Variants in SFXN5 observed in about 807,000 individuals in gnomAD.
SFXN5 encodes sideroflexin-5.
A neutral mutation model predicts 50.2 loss-of-function variants in SFXN5; 43 were observed. The ratio of observed to expected loss-of-function variants is 0.86; its 90% CI spans 0.67 to 1.11. SFXN5 has a LOEUF of 1.11. Among genes scored for constraint, SFXN5 ranks in the 50% least tolerant of loss-of-function variants. The probability of loss-of-function intolerance (pLI) is 0.00; values close to 1 mark genes in which losing one functional copy is unlikely to be tolerated. For missense variants in SFXN5, 463 were observed against 454.1 expected (o/e 1.02, Z -0.18); for synonymous variants, 203 against 185.8 (o/e 1.09, Z -0.75).
At chr2:73,034,937 C>T (rs775849304) in intron 3 of SFXN5, among the ~76,000 whole-genome samples, 2 of 152,186 alleles carry the variant, frequency 1.3e-5, no homozygotes, top group Admixed American at 6.5e-5. Context: ...TCTTTCTTGT[C>T]TCTTCTCTCT....
At chr2:72,968,557 T>C in intron 11 of SFXN5, 24 bp from the exon 12 acceptor site, 1 of 1,611,068 alleles carries the variant, frequency 6.2e-7, no homozygotes, top group Non-Finnish European at 8.5e-7. Context: ...AGAAGCTGTG[T>C]GAGAGGGGCC....
chr2:72,972,018 A>C (rs1670068714), intron 10 of SFXN5, among the ~76,000 whole-genome samples: 1 of 152,184 alleles, frequency 6.6e-6, no homozygotes, highest in Non-Finnish European at 1.5e-5. Context: ...TCCATCTGGG[A>C]GGGCTCTCTG....
At chr2:73,003,548 C>A (rs762789793) in intron 6 of SFXN5, among the ~76,000 whole-genome samples, 2 of 152,160 alleles carry the variant, frequency 1.3e-5, no homozygotes, top group Non-Finnish European at 2.9e-5. Context: ...GACACTGAGC[C>A]ATTCAACTGA....
At position 72,942,132 on chromosome 2, in the gene SFXN5, C is replaced by T. The variant is rs1258346466; in HGVS notation, c.*2890G>A. On this transcript the variant is annotated 3_prime_UTR_variant, in exon 14 of 14. Coordinates refer to ENST00000272433, the MANE Select transcript of SFXN5 (RefSeq NM_144579.3). ...TGAGGTTAAAAAGACGCTGCAAAGGCCCCTGGGAGTGGCTGAGGCTTGCGT... is the reference window on the plus strand; with the variant it reads ...TGAGGTTAAAAAGACGCTGCAAAGGTCCCTGGGAGTGGCTGAGGCTTGCGT... The T allele has an allele frequency of 6.6e-6, 1 of 152,214 alleles. No individual in the cohort carries two copies. The highest frequency in any genetic ancestry group is 1.5e-5 in the Non-Finnish European group (1 of 68,046). The allele number at this position is 152,214 out of a possible 1,614,324, so 9.4% of individuals were successfully genotyped here. A position where few individuals can be genotyped will look rare whatever the true frequency, so the allele number is the denominator to read the frequency against.
rs543315122 is a variant in SFXN5 at position 72,983,854 on chromosome 2, G to A, written c.625+4404C>T. Among the ~76,000 whole-genome samples, 17 of 152,232 alleles carry A rather than the reference G, an allele frequency of 1.1e-4. 1 individual carries two copies. The highest frequency in any genetic ancestry group is 9.8e-4 in the Admixed American group (15 of 15,304). On this transcript the variant is annotated intron_variant, in intron 10 of 13. Coordinates refer to ENST00000272433, the MANE Select transcript of SFXN5 (RefSeq NM_144579.3). ...GGCCCCTTGAGAAGCCTGTGGGGCC[G>A]GCAACCCCTGGAACAGACTCTGCTC...
intron 11 of SFXN5, among the ~76,000 whole-genome samples, 161 bp from the exon 12 acceptor site, chr2:72,968,694 C>T (rs1674771431): frequency 6.6e-6 from 1 of 151,828 alleles, no homozygotes; most frequent in African/African-American, 2.4e-5. Context: ...ACAAAAAAAG[C>T]CACTGGTCTC....
intron 6 of SFXN5, among the ~76,000 whole-genome samples, chr2:73,015,077 T>C (rs1332901205): frequency 1.3e-5 from 2 of 152,258 alleles, no homozygotes; most frequent in Non-Finnish European, 2.9e-5. Flanking sequence ...GTGCTTGCTA[T>C]GGTTGGTTTA....
intron 3 of SFXN5, among the ~76,000 whole-genome samples, chr2:73,038,167 C>G (rs1679198832): frequency 6.6e-6 from 1 of 152,230 alleles, no homozygotes; most frequent in African/African-American, 2.4e-5. Context: ...TAGGTAGAGC[C>G]TACTGCTCCC....
chr2:73,011,966 C>T (rs145244364), intron 6 of SFXN5, among the ~76,000 whole-genome samples: 137 of 152,268 alleles, frequency 9.0e-4, no homozygotes, highest in Middle Eastern at 6.8e-3. Context: ...AGCAAATAAT[C>T]GGACATAACC....
intron 10 of SFXN5, among the ~76,000 whole-genome samples, chr2:72,982,955 G>A (rs1305283520): frequency 6.6e-6 from 1 of 152,238 alleles, no homozygotes; most frequent in Non-Finnish European, 1.5e-5. Flanking sequence ...AATGCCACGT[G>A]AAGCACCACT....
intron 12 of SFXN5, among the ~76,000 whole-genome samples, chr2:72,962,259 A>C (rs990652880): frequency 2.6e-5 from 4 of 152,200 alleles, no homozygotes; most frequent in African/African-American, 9.7e-5. Flanking sequence ...GTGAAGGGGA[A>C]ATAATCCAGG....
intron 1 of SFXN5, among the ~76,000 whole-genome samples, chr2:73,064,416 C>G (rs1447336292): frequency 3.9e-5 from 6 of 152,162 alleles, no homozygotes; most frequent in Non-Finnish European, 8.8e-5. Context: ...TAAAACCTGC[C>G]CAGTGTGACT....
At chr2:72,963,250 G>C (rs534860226) in intron 12 of SFXN5, among the ~76,000 whole-genome samples, 1 of 152,302 alleles carries the variant, frequency 6.6e-6, no homozygotes, top group African/African-American at 2.4e-5. Context: ...GCAGTGAAGG[G>C]TGAGAAAAAG....
intron 10 of SFXN5, among the ~76,000 whole-genome samples, chr2:72,981,685 C>T (rs770352533): frequency 2.0e-5 from 3 of 152,182 alleles, no homozygotes; most frequent in Non-Finnish European, 4.4e-5. Flanking sequence ...GGGCCTGACA[C>T]ACAGCAGGGG....
At chr2:73,046,193 G>A (rs1680297759) in intron 2 of SFXN5, among the ~76,000 whole-genome samples, 1 of 152,116 alleles carries the variant, frequency 6.6e-6, no homozygotes, top group South Asian at 2.1e-4. Flanking sequence ...CAGATTACTT[G>A]AGGTCAGGAG....
At chr2:73,004,315 G>GCGCACACACA (rs777120545) in intron 6 of SFXN5, among the ~76,000 whole-genome samples, 4 of 115,664 alleles carry the variant, frequency 3.5e-5, no homozygotes, top group Admixed American at 8.3e-5. Context: ...GAGTGCGCGC[G>GCGCACACACA]CACACACACA....
chr2:73,013,121 A>AC (rs564884626), intron 6 of SFXN5, among the ~76,000 whole-genome samples: 160 of 152,272 alleles, frequency 1.1e-3, no homozygotes, highest in African/African-American at 3.5e-3. Flanking sequence ...TGCAGTCATA[A>AC]CCATCAGTGG....
At chr2:72,974,556 C>A (rs192533249) in intron 10 of SFXN5, among the ~76,000 whole-genome samples, 1 of 152,130 alleles carries the variant, frequency 6.6e-6, no homozygotes, top group South Asian at 2.1e-4. Flanking sequence ...CCCTTGAAAC[C>A]GGCAATTCTT....
At chr2:72,976,054 T>A (rs759314963) in intron 10 of SFXN5, among the ~76,000 whole-genome samples, 14 of 152,184 alleles carry the variant, frequency 9.2e-5, no homozygotes, top group Non-Finnish European at 1.8e-4. Flanking sequence ...AGCTACTGAG[T>A]ATGTACATGA....
Sources: allele counts gnomAD v4.1 joint callset (sites outside exome capture counted in the v4.1 genomes callset), GRCh38; gene constraint gnomAD v4.1.1; transcripts MANE v1.5; gene names NCBI Gene and HGNC (gene_info 2026-07-23, HGNC 2026-07-21).